The following COLEC10 variants were observed in gnomAD, a reference collection of about 807,000 sequenced individuals.
The protein encoded by COLEC10 is collectin subfamily member 10.
Under a neutral mutation model 28.4 loss-of-function variants are expected in COLEC10, and 22 were observed. That is an observed-to-expected ratio of 0.78 (90% CI 0.55 to 1.11). The LOEUF (loss-of-function observed/expected upper bound fraction) is 1.11, where lower values mean the gene tolerates loss of function less well. Ranked by LOEUF, COLEC10 falls within the 50% of genes least tolerant of loss-of-function variation. COLEC10 has a pLI of 0.00. For missense variants in COLEC10, 361 were observed against 344.1 expected (o/e 1.05, Z -0.39); for synonymous variants, 125 against 116.1 (o/e 1.08, Z -0.49).
At chr8:119,058,574 T>C (rs887287546) in intron 2 of COLEC10, among the ~76,000 whole-genome samples, 1 of 152,100 alleles carries the variant, frequency 6.6e-6, no homozygotes, top group African/African-American at 2.4e-5. Context: ...GGAGATGCAG[T>C]GCCATCTATG....
In COLEC10 at chr8:119,106,516, C is replaced by T. The variant is rs544267449; in HGVS notation, c.*325C>T. 6.6e-5 allele frequency: 15 copies of T among 226,464 alleles called. No individual in the cohort carries two copies. The highest frequency in any genetic ancestry group is 1.3e-4 in the Non-Finnish European group (14 of 111,664). The allele number at this position is 226,464 out of a possible 1,614,324, so 14.0% of individuals were successfully genotyped here. A position where few individuals can be genotyped will look rare whatever the true frequency, so the allele number is the denominator to read the frequency against. Reference sequence around the variant, plus strand: ...TTTGCTCTACCATCTCTCCCTAGAGCACTCTGTGTCTATCCCAGTGGATAA... The same window carrying T: ...TTTGCTCTACCATCTCTCCCTAGAGTACTCTGTGTCTATCCCAGTGGATAA... On this transcript the variant is annotated 3_prime_UTR_variant, in exon 6 of 6. Coordinates refer to ENST00000332843, the MANE Select transcript of COLEC10 (RefSeq NM_006438.5).
intron 2 of COLEC10, among the ~76,000 whole-genome samples, chr8:119,043,215 T>C (rs764624296): frequency 2.6e-5 from 4 of 152,244 alleles, no homozygotes; most frequent in Non-Finnish European, 5.9e-5. Flanking sequence ...CCACCTCCTT[T>C]TATGTTTTTA....
At chr8:118,983,918 C>T in the COLEC10 span, among the ~76,000 whole-genome samples, 3 of 152,154 alleles carry the variant, frequency 2.0e-5, no homozygotes, top group Non-Finnish European at 4.4e-5. Flanking sequence ...TTGTGGAAAG[C>T]AGTTTGATGA....
the COLEC10 span, among the ~76,000 whole-genome samples, chr8:118,985,358 C>T: frequency 3.9e-5 from 6 of 152,042 alleles, no homozygotes; most frequent in African/African-American, 9.6e-5. Context: ...CATGATTCTG[C>T]GATGATCACT....
chr8:119,030,906 A>C (rs956631148), intron 2 of COLEC10, among the ~76,000 whole-genome samples: 2 of 152,180 alleles, frequency 1.3e-5, no homozygotes, highest in Admixed American at 6.5e-5. Flanking sequence ...TCAAAATCCC[A>C]CTGATGACTC....
At chr8:119,055,797 T>G (rs970054607) in intron 2 of COLEC10, among the ~76,000 whole-genome samples, 3 of 152,088 alleles carry the variant, frequency 2.0e-5, no homozygotes, top group Non-Finnish European at 4.4e-5. Flanking sequence ...TGCTTCCTCT[T>G]CAGAGTTGAC....
upstream of COLEC10, among the ~76,000 whole-genome samples, chr8:118,993,585 C>G (rs973736077): frequency 2.0e-5 from 3 of 152,108 alleles, no homozygotes; most frequent in Admixed American, 6.6e-5. Flanking sequence ...AAACTCCTGA[C>G]ATAAGGTGAG....
At chr8:119,047,422 A>G (rs1369299187) in intron 2 of COLEC10, among the ~76,000 whole-genome samples, 1 of 152,234 alleles carries the variant, frequency 6.6e-6, no homozygotes, top group African/African-American at 2.4e-5. Flanking sequence ...ATAGTATGTT[A>G]CAACATATGC....
chr8:119,055,234 A>T (rs1301474299), intron 2 of COLEC10, among the ~76,000 whole-genome samples: 1 of 152,038 alleles, frequency 6.6e-6, no homozygotes, highest in East Asian at 1.9e-4. Context: ...CTCACTGTTC[A>T]GTGTGTGGAA....
At chr8:119,031,934 T>C (rs1814296276) in intron 2 of COLEC10, among the ~76,000 whole-genome samples, 2 of 152,222 alleles carry the variant, frequency 1.3e-5, no homozygotes, top group African/African-American at 4.8e-5. Context: ...TTTGGTACTT[T>C]TTGTGTAGCA....
At chr8:119,088,228 AAAAG>A (rs747613228) in intron 1 of COLEC10, among the ~76,000 whole-genome samples, 9 of 152,052 alleles carry the variant, frequency 5.9e-5, no homozygotes, top group East Asian at 1.9e-4. Flanking sequence ...AGAGAAAGAA[AAAAG>A]AAAGAGAAAG....
At chr8:119,002,958 C>A (rs1254045686) in intron 1 of COLEC10, among the ~76,000 whole-genome samples, 3 of 152,076 alleles carry the variant, frequency 2.0e-5, no homozygotes, top group Admixed American at 6.6e-5. Context: ...TAGGAGAATT[C>A]TTTACGTAAT....
At chr8:119,051,650 A>C (rs1210329828) in intron 2 of COLEC10, among the ~76,000 whole-genome samples, 1 of 152,232 alleles carries the variant, frequency 6.6e-6, no homozygotes, top group Non-Finnish European at 1.5e-5. Flanking sequence ...TAACCACGGC[A>C]TGAGGAAAGA....
In COLEC10 at chr8:119,107,887, CA is replaced by C. The variant is rs1563746992; in HGVS notation, c.*1699del. The stretch of plus-strand genomic sequence containing the variant: ...GTTGGCAACTAATTAATTTTTAACC[CA>C]AATTTTAAGTGGGTTAAAAATTAAT... On this transcript the variant is annotated 3_prime_UTR_variant, in exon 6 of 6. Coordinates refer to ENST00000332843, the MANE Select transcript of COLEC10 (RefSeq NM_006438.5). Among the ~76,000 whole-genome samples the C allele has an allele frequency of 6.6e-6, 1 of 151,990 alleles. No individual in the cohort carries two copies. Among genetic ancestry groups the C allele is most frequent in the Non-Finnish European group, 1.5e-5 (1 of 67,976 alleles).
intron 2 of COLEC10, among the ~76,000 whole-genome samples, chr8:119,016,277 T>C (rs1466291056): frequency 1.3e-5 from 2 of 152,048 alleles, no homozygotes; most frequent in Admixed American, 1.3e-4. Context: ...GAACATGCAG[T>C]GTTTGGTTTT....
chr8:118,958,934 A>C, the COLEC10 span, among the ~76,000 whole-genome samples: 1 of 152,186 alleles, frequency 6.6e-6, no homozygotes, highest in Admixed American at 6.5e-5. Flanking sequence ...ATCTCAAGGC[A>C]GCTGATTCTG....
intron 1 of COLEC10, among the ~76,000 whole-genome samples, chr8:119,070,474 T>TCC (rs1815087158): frequency 4.2e-5 from 5 of 119,944 alleles, no homozygotes; most frequent in Non-Finnish European, 7.1e-5. Flanking sequence ...TCTCTCTCTC[T>TCC]CTCCTTCCCC....
chr8:118,977,348 C>G, the COLEC10 span, among the ~76,000 whole-genome samples: 4 of 148,844 alleles, frequency 2.7e-5, no homozygotes, highest in African/African-American at 9.8e-5. Context: ...TTGGAACCAA[C>G]CCAAATGTCC....
chr8:119,005,464 C>T (rs1371869129), intron 1 of COLEC10, among the ~76,000 whole-genome samples: 2 of 152,106 alleles, frequency 1.3e-5, no homozygotes, highest in Non-Finnish European at 2.9e-5. Flanking sequence ...AAGCCTCTCA[C>T]TATCACAAGT....
Sources: gnomAD v4.1 joint callset for allele counts (sites outside exome capture counted in the v4.1 genomes callset) on GRCh38, gnomAD v4.1.1 for gene constraint, MANE v1.5 for transcripts, NCBI Gene and HGNC (gene_info 2026-07-23, HGNC 2026-07-21) for gene names.